INTS13: variants seen among roughly 807,000 people sequenced by gnomAD.
INTS13 encodes the protein asunder, spermatogenesis regulator homolog (Drosphila).
In INTS13, 35 loss-of-function variants were observed where a neutral mutation model predicts 90.2. The ratio of observed to expected loss-of-function variants is 0.39; its 90% confidence interval spans 0.30 to 0.51. The LOEUF (loss-of-function observed/expected upper bound fraction) is 0.51. Among genes scored for constraint, INTS13 ranks in the 20% least tolerant of loss-of-function variants. The pLI is 0.80. For synonymous variants in INTS13, 309 were observed against 277.1 expected (o/e 1.11, Z -1.14); for missense variants, 601 against 851.2 (o/e 0.71, Z 3.66).
At chr12:26,920,295 T>C (rs1952072655) in intron 8 of INTS13, among the ~76,000 whole-genome samples, 1 of 152,314 alleles carries the variant, frequency 6.6e-6, no homozygotes, top group East Asian at 1.9e-4. Context: ...GTTCCTATTG[T>C]TAAAATAACT....
chr12:26,929,951 A>T (rs1228716779), intron 3 of INTS13, among the ~76,000 whole-genome samples: 1 of 152,202 alleles, frequency 6.6e-6, no homozygotes, highest in African/African-American at 2.4e-5. Flanking sequence ...AAAAACTATT[A>T]TAACTAATAT....
chr12:26,922,545 G>A, intron 8 of INTS13, 71 bp downstream of exon 8: 5 of 1,162,098 alleles, frequency 4.3e-6, no homozygotes, highest in Middle Eastern at 2.0e-4. Flanking sequence ...CTTCCCTGAG[G>A]ATGTGGGGGC....
intron 3 of INTS13, among the ~76,000 whole-genome samples, chr12:26,931,597 T>A (rs532780532): frequency 6.6e-6 from 1 of 152,362 alleles, no homozygotes; most frequent in African/African-American, 2.4e-5. Flanking sequence ...TTGTTTCTCA[T>A]GTTGTTCACA....
At chr12:26,934,837 T>A (rs1216671617) in intron 2 of INTS13, among the ~76,000 whole-genome samples, 1 of 152,152 alleles carries the variant, frequency 6.6e-6, no homozygotes, top group African/African-American at 2.4e-5. Context: ...GTTCTGTCAC[T>A]CACAATGTGG....
chr12:26,914,128 C>T lies in INTS13; in HGVS notation c.1420G>A (p.Val474Ile). ...ACAATAACACTGGCTAATGGAACTA[C>T]CTGTTAGATTTTTTTTAAAGAAAAA... Reference protein sequence around the residue: ...SQTTIFNMQAVVPLASVIVKE... With the variant: ...SQTTIFNMQAIVPLASVIVKE... The change falls in exon 13 of 17, where the codon GTA becomes ATA. Residue 474 changes from valine (V) to isoleucine (I), a missense_variant and splice_region_variant. Physicochemically the swap from Val to Ile is conservative, Grantham distance 29 (BLOSUM62 3). Transcript: ENST00000261191. The T allele has an allele frequency of 1.9e-6, 3 of 1,564,470 alleles. No homozygotes were observed. The highest frequency in any genetic ancestry group is 2.6e-6 in the Non-Finnish European group (3 of 1,164,060).
chr12:26,933,449 C>T (rs1297621473), intron 3 of INTS13, among the ~76,000 whole-genome samples: 3 of 152,146 alleles, frequency 2.0e-5, no homozygotes. Flanking sequence ...GGCTTCTCAG[C>T]ATTGGAGGCT....
chr12:26,909,472 C>CCTTTTT (rs1555203797), intron 15 of INTS13, among the ~76,000 whole-genome samples: 1 of 127,076 alleles, frequency 7.9e-6, no homozygotes, highest in African/African-American at 3.0e-5. Flanking sequence ...AGATAATACT[C>CCTTTTT]TTTTTTTTTT....
In INTS13 at chr12:26,916,088, C is replaced by T. The variant is rs767007670; in HGVS notation, c.1162G>A (p.Val388Ile). ...SSHGGEIFLHVLSSSRSILED... is the reference protein window; with the variant it reads ...SSHGGEIFLHILSSSRSILED... ...AGAATGGATCGAGAACTGCTAAGGA[C>T]GTGCAAAAAAATCTCTCCTCCATGG... The change falls in exon 11 of 17, where the codon GTC becomes ATC. Residue 388 changes from valine to isoleucine, a missense_variant. By Grantham distance (29) the Val-to-Ile change is conservative. This residue lies in a region of INTS13 where 89 missense variants were observed against 191.0 expected (regional missense o/e 0.47). Transcript: ENST00000261191. 13 of 1,613,680 alleles carry T rather than the reference C, an allele frequency of 8.1e-6. No homozygotes were observed. The highest frequency in any genetic ancestry group is 1.0e-5 in the Non-Finnish European group (12 of 1,179,808).
chr12:26,911,438 C>T, intron 14 of INTS13, 121 bp from the exon 15 acceptor site: 1 of 720,276 alleles, frequency 1.4e-6, no homozygotes, highest in Non-Finnish European at 2.0e-6. Context: ...TAAAATAAAC[C>T]TAGGGACTAA....
chr12:26,936,513 T>C, intron 2 of INTS13, 66 bp downstream of exon 2: 1 of 1,194,434 alleles, frequency 8.4e-7, no homozygotes, highest in Admixed American at 2.1e-5. Context: ...CAAATTCATA[T>C]AAAAATTCAT....
rs1439693130 is a variant in INTS13 at position 26,928,206 on chromosome 12, G to A, written c.583C>T (p.His195Tyr). Residue 195 changes from histidine to tyrosine, a missense_variant and splice_region_variant, in exon 5 of 17, where the codon CAT becomes TAT. His to Tyr is a moderately conservative substitution (Grantham distance 83). Coordinates refer to ENST00000261191, the MANE Select transcript of INTS13 (RefSeq NM_018164.3). ...EHNKLAANSD[H>Y]LMQIQKCELV... ...ATTTCATTTATGAATTATACTCACT[G>A]ATCTGAATTTGCAGCAAGCTTGTTA... The A allele has an allele frequency of 6.3e-7, 1 of 1,599,558 alleles. No individual in the cohort carries two copies. Among genetic ancestry groups the A allele is most frequent in the Middle Eastern group, 1.7e-4 (1 of 6,012 alleles).
intron 8 of INTS13, among the ~76,000 whole-genome samples, chr12:26,918,676 T>C (rs892513208): frequency 2.0e-5 from 3 of 152,206 alleles, no homozygotes; most frequent in African/African-American, 7.2e-5. Flanking sequence ...CCAAGGGATC[T>C]GGAAAGTAAA....
Position 26,913,524 on chromosome 12 carries a change from T to C in INTS13, c.1738A>G (p.Lys580Glu). The change falls in exon 14 of 17, where the codon AAA (lysine) becomes GAA (glutamate). Residue 580 changes from lysine to glutamate, a missense_variant. Transcript: ENST00000261191. ...ACTGCTTTCTCTGACTTGTCCTCTT[T>C]GTCTTCCCTCTTTCTTCCTCGTTTC... ...RKKRGRKRED[K>E]EDKSEKAVKD... 6.2e-7 allele frequency: 1 copy of C among 1,614,188 alleles called. No individual in the cohort carries two copies. Among genetic ancestry groups the C allele is most frequent in the Non-Finnish European group, 8.5e-7 (1 of 1,180,032 alleles).
intron 15 of INTS13, 148 bp downstream of exon 15, chr12:26,911,030 T>C (rs1407270276): frequency 1.3e-6 from 1 of 774,058 alleles, no homozygotes; most frequent in Non-Finnish European, 2.0e-6. Flanking sequence ...AGGTGGGGTT[T>C]CACCATGCTG....
At chr12:26,933,746 A>G (rs961768387) in intron 3 of INTS13, among the ~76,000 whole-genome samples, 1 of 152,216 alleles carries the variant, frequency 6.6e-6, no homozygotes, top group Admixed American at 6.5e-5. Context: ...TCCTCAGGGG[A>G]CAAAATCAAA....
At chr12:26,922,782 T>C (rs1017650357) in intron 7 of INTS13, 82 bp from the exon 8 acceptor site, 14 of 839,986 alleles carry the variant, frequency 1.7e-5, no homozygotes, top group Non-Finnish European at 2.5e-5. Context: ...ATTTGCTTTT[T>C]GTTTAAAATG....
intron 13 of INTS13, 58 bp downstream of exon 13, chr12:26,913,916 G>A: frequency 3.4e-6 from 5 of 1,471,680 alleles, no homozygotes; most frequent in Non-Finnish European, 4.6e-6. Context: ...GTTATCTTGA[G>A]AAACAATATG....
At chr12:26,920,072 G>A (rs1450682978) in intron 8 of INTS13, among the ~76,000 whole-genome samples, 2 of 151,258 alleles carry the variant, frequency 1.3e-5, no homozygotes, top group Admixed American at 1.3e-4. Flanking sequence ...AGCTTGCAGT[G>A]AGCCAAGATC....
At chr12:26,922,175 C>T (rs533505956) in intron 8 of INTS13, among the ~76,000 whole-genome samples, 4 of 152,248 alleles carry the variant, frequency 2.6e-5, no homozygotes, top group East Asian at 3.9e-4. Context: ...TATCATAGTG[C>T]TTGTGTTTAA....
Sources: allele counts gnomAD v4.1 joint callset (sites outside exome capture counted in the v4.1 genomes callset), GRCh38; gene constraint gnomAD v4.1.1; regional missense constraint gnomAD v4.1.1; transcripts MANE v1.5; gene names NCBI Gene and HGNC (gene_info 2026-07-23, HGNC 2026-07-21).